The following SLC23A2 variants were observed in gnomAD, a reference collection of about 807,000 sequenced individuals.
The protein encoded by SLC23A2 is solute carrier family 23 member 2, also known as Na(+)/L-ascorbic acid transporter 2.
SLC23A2 carries 36 observed loss-of-function variants against 73.3 expected under a neutral mutation model. The observed-to-expected ratio is 0.49, with a 90% confidence interval of 0.38 to 0.65. The LOEUF (loss-of-function observed/expected upper bound fraction) is 0.65, where lower values mean the gene tolerates loss of function less well. Ranked by LOEUF, SLC23A2 falls within the 30% of genes least tolerant of loss-of-function variation. The pLI, the probability that SLC23A2 is intolerant of heterozygous loss-of-function variation, is 0.00. For synonymous variants in SLC23A2, 343 were observed against 327.3 expected, an observed-to-expected ratio of 1.05 and a Z score of -0.52; for missense variants, 507 against 841.6, an observed-to-expected ratio of 0.60 and a Z score of 4.92.
At chr20:4,961,188 A>C (rs2087379108) in intron 2 of SLC23A2, among the ~76,000 whole-genome samples, 1 of 150,014 alleles carries the variant, frequency 6.7e-6, no homozygotes, top group Admixed American at 6.7e-5. Context: ...GCTCACTGCA[A>C]CCTGCACCTC....
intron 11 of SLC23A2, among the ~76,000 whole-genome samples, chr20:4,873,346 C>G (rs548479762): frequency 1.3e-5 from 2 of 152,174 alleles, no homozygotes; most frequent in Admixed American, 6.5e-5. Flanking sequence ...ATCACCTACA[C>G]GGGGCCAGCT....
chr20:4,964,511 G>T (rs2087442734), intron 2 of SLC23A2, among the ~76,000 whole-genome samples: 1 of 152,100 alleles, frequency 6.6e-6, no homozygotes, highest in South Asian at 2.1e-4. Flanking sequence ...AGGACTGGTT[G>T]GTACAATTGT....
chr20:4,990,101 C>G (rs1249651630), intron 1 of SLC23A2, among the ~76,000 whole-genome samples: 2 of 152,114 alleles, frequency 1.3e-5, no homozygotes, highest in Non-Finnish European at 2.9e-5. Context: ...TGGAAGGAGC[C>G]CAGATCCCCA....
chr20:4,977,378 T>A (rs2087658622), intron 1 of SLC23A2, among the ~76,000 whole-genome samples: 1 of 152,024 alleles, frequency 6.6e-6, no homozygotes, highest in Non-Finnish European at 1.5e-5. Context: ...GTATTATTAT[T>A]ATTTTTTTTT....
intron 2 of SLC23A2, among the ~76,000 whole-genome samples, chr20:4,934,983 T>A (rs2086938601): frequency 6.6e-6 from 1 of 151,130 alleles, no homozygotes; most frequent in Non-Finnish European, 1.5e-5. Flanking sequence ...GTCAGGAGAT[T>A]GAGACCATCC....
intron 2 of SLC23A2, among the ~76,000 whole-genome samples, chr20:4,965,048 T>C (rs1309297595): frequency 6.6e-6 from 1 of 152,142 alleles, no homozygotes; most frequent in Non-Finnish European, 1.5e-5. Flanking sequence ...TGAGCCATTA[T>C]CTAAGGACAA....
At chr20:4,878,564 T>C (rs1438797600) in intron 9 of SLC23A2, among the ~76,000 whole-genome samples, 1 of 152,226 alleles carries the variant, frequency 6.6e-6, no homozygotes, top group Non-Finnish European at 1.5e-5. Context: ...TTTCAATATC[T>C]GCTTTAAGAA....
chr20:4,992,698 C>A lies in SLC23A2; in HGVS notation c.-282+8708G>T, dbSNP rs570430817. On this transcript the variant is annotated intron_variant, in intron 1 of 16. Coordinates refer to ENST00000338244, the MANE Select transcript of SLC23A2 (RefSeq NM_005116.6). ...GCTAATTTTGTATTTTTAGTAGAGA[C>A]GGGGTTTCTCCATGTTGGTCAGGCT... Among the ~76,000 whole-genome samples, 64 of 151,420 alleles carry A rather than the reference C, an allele frequency of 4.2e-4. 1 individual carries two copies. The highest frequency in any genetic ancestry group is 1.9e-4 in the Non-Finnish European group (13 of 67,848).
intron 6 of SLC23A2, among the ~76,000 whole-genome samples, chr20:4,895,586 G>A (rs903706909): frequency 3.3e-5 from 5 of 152,200 alleles, no homozygotes; most frequent in Non-Finnish European, 7.3e-5. Context: ...ACACCTGAGG[G>A]AGAAGCCTTC....
intron 1 of SLC23A2, among the ~76,000 whole-genome samples, chr20:4,991,718 TTTCACACA>T (rs2087925694): frequency 1.1e-5 from 1 of 87,344 alleles, no homozygotes; most frequent in African/African-American, 4.3e-5. Context: ...AGAGACTCCG[TTTCACACA>T]CACACACACA....
At chr20:4,884,925 T>C (rs1403022841) in intron 7 of SLC23A2, 102 bp from the exon 8 acceptor site, 6 of 651,922 alleles carry the variant, frequency 9.2e-6, no homozygotes, top group South Asian at 1.9e-5. Flanking sequence ...TTTTATTACA[T>C]CTGTTTCAAT....
At chr20:4,999,556 A>ATT (rs11475838) in intron 1 of SLC23A2, among the ~76,000 whole-genome samples, 12 of 143,672 alleles carry the variant, frequency 8.4e-5, no homozygotes, top group African/African-American at 2.8e-4. Context: ...ATACTCAGCT[A>ATT]TTTTTTTTTT....
chr20:4,907,461 A>T (rs2122884106), intron 4 of SLC23A2, among the ~76,000 whole-genome samples: 1 of 152,326 alleles, frequency 6.6e-6, no homozygotes, highest in South Asian at 2.1e-4. Flanking sequence ...AATATAATCA[A>T]TGTAGTATTT....
At chr20:4,931,275 G>A (rs1932787658) in intron 3 of SLC23A2, among the ~76,000 whole-genome samples, 1 of 151,948 alleles carries the variant, frequency 6.6e-6, no homozygotes, top group African/African-American at 2.4e-5. Context: ...AGCCCAGGAG[G>A]TCAAGGCTAC....
At chr20:4,876,256 C>T (rs1930650862) in intron 9 of SLC23A2, among the ~76,000 whole-genome samples, 1 of 152,130 alleles carries the variant, frequency 6.6e-6, no homozygotes, top group East Asian at 1.9e-4. Context: ...TCCAAAGATG[C>T]CCCAGGCCTG....
At chr20:4,908,361 C>T (rs1400357808) in intron 4 of SLC23A2, among the ~76,000 whole-genome samples, 1 of 152,124 alleles carries the variant, frequency 6.6e-6, no homozygotes, top group Non-Finnish European at 1.5e-5. Flanking sequence ...TGGCTTGTAC[C>T]ATGTTACATT....
At chr20:4,994,589 C>T (rs1192276319) in intron 1 of SLC23A2, among the ~76,000 whole-genome samples, 1 of 151,988 alleles carries the variant, frequency 6.6e-6, no homozygotes, top group African/African-American at 2.4e-5. Context: ...TCGAGACCAG[C>T]CTGAACAATA....
chr20:4,927,718 G>A (rs569683100), intron 3 of SLC23A2, among the ~76,000 whole-genome samples: 4 of 152,028 alleles, frequency 2.6e-5, no homozygotes, highest in Non-Finnish European at 4.4e-5. Context: ...ATGAGAATCC[G>A]AAACATCTCC....
intron 2 of SLC23A2, among the ~76,000 whole-genome samples, chr20:4,943,443 G>A (rs373791074): frequency 5.3e-5 from 8 of 151,828 alleles, no homozygotes; most frequent in African/African-American, 1.9e-4. Context: ...TGAGGCAGGC[G>A]GATCGCTTGA....
Sources: gnomAD v4.1 joint callset for allele counts (sites outside exome capture counted in the v4.1 genomes callset) on GRCh38, gnomAD v4.1.1 for gene constraint, MANE v1.5 for transcripts, NCBI Gene and HGNC (gene_info 2026-07-23, HGNC 2026-07-21) for gene names.